Variants in DNAI4 observed in about 807,000 individuals in gnomAD.
DNAI4 encodes dynein axonemal intermediate chain 4.
Under a neutral mutation model 105.8 loss-of-function variants are expected in DNAI4, and 85 were observed. The observed-to-expected ratio is 0.80, with a 90% CI of 0.67 to 0.96. The LOEUF (loss-of-function observed/expected upper bound fraction) is 0.96, where lower values mean the gene tolerates loss of function less well. DNAI4 is among the 40% of genes least tolerant of loss of function. The pLI is 0.00. For missense variants in DNAI4, 1,014 were observed against 1,005.6 expected (o/e 1.01, Z -0.11); for synonymous variants, 352 against 331.5 (o/e 1.06, Z -0.67).
intron 4 of DNAI4, among the ~76,000 whole-genome samples, chr1:66,881,990 A>T (rs1647082143): frequency 6.6e-6 from 1 of 152,182 alleles, no homozygotes; most frequent in African/African-American, 2.4e-5. Flanking sequence ...GTTTCCCTGA[A>T]CAACCTCTCT....
Position 66,833,649 on chromosome 1 carries a change from T to C in DNAI4, c.1949A>G (p.Glu650Gly), listed in dbSNP as rs369903097. ...AASNKKGGEK[E>G]KKDEALISRQ... ...AGATATCAAAGCTTCATCTTTCTTT[T>C]CCTTTTCCCCTCCTTTTTTGTTACT... is the stretch of plus-strand genomic sequence containing the variant. Residue 650 changes from glutamate (E) to glycine (G), a missense_variant, in exon 13 of 17, where the codon GAA becomes GGA. Transcript: ENST00000371026. 7.4e-6 allele frequency: 12 copies of C among 1,613,368 alleles called. No individual in the cohort carries two copies. The highest frequency in any genetic ancestry group is 1.0e-5 in the Non-Finnish European group (12 of 1,179,632).
intron 1 of DNAI4, among the ~76,000 whole-genome samples, chr1:66,910,175 T>C (rs1447881559): frequency 6.6e-6 from 1 of 152,106 alleles, no homozygotes; most frequent in Non-Finnish European, 1.5e-5. Context: ...ATTATGCCAC[T>C]GTACTCCAGC....
At chr1:66,847,942 C>A (rs1366425734) in intron 7 of DNAI4, 2 of 407,320 alleles carry the variant, frequency 4.9e-6, no homozygotes, top group Non-Finnish European at 8.8e-6. Flanking sequence ...TGTCTTTATT[C>A]TTTTAAAATT....
At chr1:66,906,952 T>A (rs193099723) in intron 1 of DNAI4, 1 of 152,304 alleles carries the variant, frequency 6.6e-6, no homozygotes, top group Admixed American at 6.5e-5. Context: ...TTGTCACTGG[T>A]GTCTCAGGGA....
intron 2 of DNAI4, among the ~76,000 whole-genome samples, chr1:66,895,141 C>T (rs1208909142): frequency 6.6e-6 from 1 of 152,114 alleles, no homozygotes; most frequent in Admixed American, 6.5e-5. Flanking sequence ...TCCACAAGTG[C>T]TTGATAAATG....
intron 15 of DNAI4, among the ~76,000 whole-genome samples, chr1:66,825,958 C>A (rs1000859889): frequency 3.3e-5 from 5 of 152,090 alleles, no homozygotes; most frequent in Non-Finnish European, 7.4e-5. Context: ...AAAAGCAGAA[C>A]CATTAACGTT....
chr1:66,897,040 G>A lies in DNAI4; in HGVS notation c.346-3627C>T, dbSNP rs576695427. On this transcript the variant is annotated intron_variant, in intron 2 of 16. Coordinates refer to ENST00000371026, the MANE Select transcript of DNAI4 (RefSeq NM_024763.5). ...GTGATTCTGGTGAGGGCTCAGAAGA[G>A]CAGACTAGAGAAAGTCTGAATCTTT... Among the ~76,000 whole-genome samples the A allele has an allele frequency of 1.1e-3, 86 of 77,102 alleles. 1 individual carries two copies. In the South Asian group the frequency reaches 0.024, roughly 21 times the overall value. The allele number at this position is 77,102 out of a possible 152,430, so 50.6% of individuals were successfully genotyped here.
At position 66,905,377 on chromosome 1, in the gene DNAI4, T is replaced by A. The variant is rs761941875; in HGVS notation, c.171-2A>T. 7 of 1,420,898 alleles carry A rather than the reference T, an allele frequency of 4.9e-6. No individual in the cohort carries two copies. The highest frequency in any genetic ancestry group is 1.8e-5 in the South Asian group (1 of 57,028). 88.0% of individuals were successfully genotyped at this position (1,420,898 alleles called of 1,614,324 possible). ...TTCTTTGGTTGTGTGGCATTGTTCCTATATAAGAAAAATAAAATATAATGC... is the reference window on the plus strand; with the variant it reads ...TTCTTTGGTTGTGTGGCATTGTTCCAATATAAGAAAAATAAAATATAATGC... On this transcript the variant is annotated splice_acceptor_variant, in intron 1 of 16. Transcript: ENST00000371026. LOFTEE classifies it high-confidence loss of function.
At chr1:66,832,671 T>C (rs1001040966) in intron 13 of DNAI4, among the ~76,000 whole-genome samples, 5 of 152,118 alleles carry the variant, frequency 3.3e-5, no homozygotes, top group Admixed American at 1.3e-4. Context: ...AAGAGTATAA[T>C]TGGATTGTTT....
chr1:66,822,211 C>T, intron 16 of DNAI4, 150 bp downstream of exon 16: 2 of 571,366 alleles, frequency 3.5e-6, no homozygotes, highest in Admixed American at 7.7e-5. Context: ...CTAGTAGGCA[C>T]CATGTATAGA....
chr1:66,833,737 T>C (rs776205299), intron 12 of DNAI4, 31 bp from the exon 13 acceptor site: 13 of 1,603,798 alleles, frequency 8.1e-6, no homozygotes, highest in Non-Finnish European at 1.1e-5. Context: ...ATATAACTTG[T>C]TATTTACCAC....
intron 11 of DNAI4, among the ~76,000 whole-genome samples, chr1:66,835,355 G>A (rs535099560): frequency 6.6e-6 from 1 of 152,320 alleles, no homozygotes; most frequent in Non-Finnish European, 1.5e-5. Context: ...TTTTCTGGAA[G>A]AAGTGAAACC....
chr1:66,899,116 A>G (rs115678384), intron 2 of DNAI4, among the ~76,000 whole-genome samples: 152 of 152,306 alleles, frequency 1.0e-3, no homozygotes, highest in African/African-American at 3.7e-3. Flanking sequence ...TCTCTTGGGT[A>G]TATACACCTA....
intron 8 of DNAI4, among the ~76,000 whole-genome samples, chr1:66,845,120 G>A (rs1400124940): frequency 6.7e-6 from 1 of 150,054 alleles, no homozygotes; most frequent in Non-Finnish European, 1.5e-5. Context: ...GAACCCAGGA[G>A]GTGGAGGTTG....
chr1:66,835,850 G>A, intron 10 of DNAI4, 73 bp from the exon 11 acceptor site: 2 of 1,428,202 alleles, frequency 1.4e-6, no homozygotes, highest in Admixed American at 1.7e-5. Flanking sequence ...TGGTGGCTGA[G>A]ATTTAGTTTG....
At chr1:66,868,626 C>T (rs764987564) in intron 6 of DNAI4, among the ~76,000 whole-genome samples, 1 of 152,080 alleles carries the variant, frequency 6.6e-6, no homozygotes, top group African/African-American at 2.4e-5. Flanking sequence ...AGACTGGAAT[C>T]GATACTGTTG....
At chr1:66,874,596 A>G (rs770827795) in intron 5 of DNAI4, among the ~76,000 whole-genome samples, 185 bp downstream of exon 5, 1 of 152,206 alleles carries the variant, frequency 6.6e-6, no homozygotes, top group African/African-American at 2.4e-5. Flanking sequence ...ATAAACATGA[A>G]CATAAAAGTT....
At chr1:66,863,380 T>C (rs1646667531) in intron 6 of DNAI4, among the ~76,000 whole-genome samples, 1 of 152,226 alleles carries the variant, frequency 6.6e-6, no homozygotes, top group South Asian at 2.1e-4. Flanking sequence ...ATTTTCCTAA[T>C]ACAAAATGGA....
chr1:66,891,873 C>T (rs1027585725), intron 3 of DNAI4, among the ~76,000 whole-genome samples: 1 of 152,190 alleles, frequency 6.6e-6, no homozygotes, highest in African/African-American at 2.4e-5. Flanking sequence ...CCAGCATATT[C>T]ATCTTCATTA....
Sources: gnomAD v4.1 joint callset for allele counts (sites outside exome capture counted in the v4.1 genomes callset) on GRCh38, gnomAD v4.1.1 for gene constraint, MANE v1.5 for transcripts, NCBI Gene and HGNC (gene_info 2026-07-23, HGNC 2026-07-21) for gene names.